The following TEC variants were observed in gnomAD, a reference collection of about 807,000 sequenced individuals.
TEC encodes tec protein tyrosine kinase.
TEC carries 72 observed loss-of-function variants against 93.0 expected under a neutral mutation model. The ratio of observed to expected loss-of-function variants is 0.77; its 90% confidence interval spans 0.64 to 0.94. TEC has a LOEUF of 0.94. Among genes scored for constraint, TEC ranks in the 40% least tolerant of loss-of-function variants. The probability of loss-of-function intolerance (pLI) is 0.00; values close to 1 mark genes in which losing one functional copy is unlikely to be tolerated. For synonymous variants in TEC, 249 were observed against 247.7 expected (o/e 1.01, Z -0.05); for missense variants, 630 against 757.9 (o/e 0.83, Z 1.98).
At chr4:48,161,730 G>A (rs1052524625) in intron 8 of TEC, among the ~76,000 whole-genome samples, 18 of 151,996 alleles carry the variant, frequency 1.2e-4, no homozygotes, top group Non-Finnish European at 1.8e-4. Context: ...GTTGCCAAAG[G>A]AGATTAACAT....
chr4:48,236,248 T>C (rs1366666837), intron 1 of TEC, among the ~76,000 whole-genome samples: 1 of 152,104 alleles, frequency 6.6e-6, no homozygotes, highest in East Asian at 1.9e-4. Flanking sequence ...TCCAGCTTTC[T>C]CTCCTAGCCG....
intron 1 of TEC, among the ~76,000 whole-genome samples, chr4:48,239,981 A>AGTGTGT (rs5858109): frequency 0.084 from 12,619 of 149,532 alleles, 545 homozygotes; most frequent in East Asian, 0.16. Flanking sequence ...TTGCTCTGTG[A>AGTGTGT]GTGTGTGTGT....
chr4:48,173,304 A>C (rs1277690891), intron 3 of TEC, among the ~76,000 whole-genome samples: 1 of 152,068 alleles, frequency 6.6e-6, no homozygotes, highest in African/African-American at 2.4e-5. Flanking sequence ...GCCTCCCCCC[A>C]CCAAAAAAAA....
At chr4:48,261,524 T>C (rs1169093144) in intron 1 of TEC, among the ~76,000 whole-genome samples, 2 of 152,190 alleles carry the variant, frequency 1.3e-5, no homozygotes, top group Admixed American at 6.5e-5. Context: ...TGAAACATAA[T>C]ATTGAGGAGT....
intron 2 of TEC, among the ~76,000 whole-genome samples, chr4:48,227,235 C>T (rs939430645): frequency 2.0e-5 from 3 of 151,982 alleles, no homozygotes; most frequent in African/African-American, 7.3e-5. Flanking sequence ...TCATGAAACA[C>T]AATGCCATTC....
intron 12 of TEC, among the ~76,000 whole-genome samples, chr4:48,145,887 C>T (rs1719887241): frequency 6.6e-6 from 1 of 152,110 alleles, no homozygotes; most frequent in South Asian, 2.1e-4. Context: ...TACCACTCTT[C>T]CTTCTCAGGT....
chr4:48,179,641 G>A (rs182449130), intron 2 of TEC, among the ~76,000 whole-genome samples: 1 of 151,396 alleles, frequency 6.6e-6, no homozygotes, highest in Non-Finnish European at 1.5e-5. Context: ...CACCCACCTC[G>A]GCCTCCCAAA....
chr4:48,204,206 A>G (rs2109600827), intron 2 of TEC, among the ~76,000 whole-genome samples: 1 of 152,308 alleles, frequency 6.6e-6, no homozygotes, highest in South Asian at 2.1e-4. Context: ...AGGGGTCTTA[A>G]CGGTTTATAC....
chr4:48,245,254 C>T (rs1275427538), intron 1 of TEC, among the ~76,000 whole-genome samples: 4 of 150,076 alleles, frequency 2.7e-5, no homozygotes, highest in South Asian at 2.1e-4. Flanking sequence ...GATCGCGCCA[C>T]GGCACTGCAG....
intron 1 of TEC, among the ~76,000 whole-genome samples, chr4:48,241,527 C>T (rs1723922404): frequency 6.6e-6 from 1 of 152,178 alleles, no homozygotes; most frequent in Non-Finnish European, 1.5e-5. Context: ...AGAAGCCAGA[C>T]ACATGAGTGA....
At chr4:48,150,991 C>A in intron 9 of TEC, 49 bp from the exon 10 acceptor site, 1 of 1,188,388 alleles carries the variant, frequency 8.4e-7, no homozygotes, top group Non-Finnish European at 1.2e-6. Context: ...TTACTAATAG[C>A]ATTGCCATGG....
At chr4:48,214,664 C>T (rs1723013968) in intron 2 of TEC, among the ~76,000 whole-genome samples, 1 of 151,718 alleles carries the variant, frequency 6.6e-6, no homozygotes, top group African/African-American at 2.4e-5. Flanking sequence ...CCAGCCTAGG[C>T]AACATGGCAA....
Position 48,186,796 on chromosome 4 carries a change from C to T in TEC, c.139-10610G>A, listed in dbSNP as rs559516838. ...GTCAGCCCCCGCCCTGCCAGCCGCC[C>T]CATCTGGGAGGGAGGTTGGGGGGCG... is the stretch of plus-strand genomic sequence containing the variant. On this transcript the variant is annotated intron_variant, in intron 2 of 17. Transcript: ENST00000381501. 4.6e-5 allele frequency among the ~76,000 whole-genome samples: 7 copies of T among 151,338 alleles called. No homozygotes were observed. In the South Asian group the frequency reaches 1.5e-3, roughly 32 times the overall value.
At chr4:48,250,471 T>C (rs1249552348) in intron 1 of TEC, among the ~76,000 whole-genome samples, 3 of 152,230 alleles carry the variant, frequency 2.0e-5, no homozygotes, top group Non-Finnish European at 2.9e-5. Context: ...ACACTGACTA[T>C]GGATATACCT....
chr4:48,225,060 ATGG>A (rs1723399036), intron 2 of TEC, among the ~76,000 whole-genome samples: 1 of 152,344 alleles, frequency 6.6e-6, no homozygotes, highest in African/African-American at 2.4e-5. Context: ...TTATTTCTGA[ATGG>A]CCCCTGTGGT....
chr4:48,194,930 G>C (rs952550638), intron 2 of TEC, among the ~76,000 whole-genome samples: 3 of 152,034 alleles, frequency 2.0e-5, no homozygotes, highest in Non-Finnish European at 2.9e-5. Context: ...GCAAACTTTT[G>C]TAATACAACC....
chr4:48,200,858 A>C (rs1209619728), intron 2 of TEC, among the ~76,000 whole-genome samples: 1 of 152,264 alleles, frequency 6.6e-6, no homozygotes, highest in African/African-American at 2.4e-5. Context: ...TGGAGAGGAA[A>C]GACAGGATCC....
At chr4:48,263,303 T>C (rs1240859543) in intron 1 of TEC, among the ~76,000 whole-genome samples, 1 of 152,108 alleles carries the variant, frequency 6.6e-6, no homozygotes, top group Non-Finnish European at 1.5e-5. Context: ...ATGACACCAA[T>C]CCCATCTTTC....
intron 1 of TEC, among the ~76,000 whole-genome samples, chr4:48,263,130 C>A (rs115790093): frequency 1.3e-5 from 2 of 152,162 alleles, no homozygotes; most frequent in African/African-American, 4.8e-5. Context: ...CCACAAACGG[C>A]AGGGTACATC....
Sources: allele counts gnomAD v4.1 joint callset (sites outside exome capture counted in the v4.1 genomes callset), GRCh38; gene constraint gnomAD v4.1.1; transcripts MANE v1.5; gene names NCBI Gene and HGNC (gene_info 2026-07-23, HGNC 2026-07-21).